LINGO2: variants seen among roughly 807,000 people sequenced by gnomAD.
LINGO2 encodes leucine rich repeat and Ig domain containing 2.
LINGO2 carries 14 observed loss-of-function variants against 30.6 expected under a neutral mutation model. The observed-to-expected ratio is 0.46, with a 90% CI of 0.30 to 0.72. LINGO2 has a LOEUF of 0.72. Among genes scored for constraint, LINGO2 ranks in the 30% least tolerant of loss-of-function variants. LINGO2 has a pLI of 0.07. For synonymous variants in LINGO2, 317 were observed against 288.5 expected (o/e 1.10, Z -1.00); for missense variants, 729 against 751.7 (o/e 0.97, Z 0.35).
chr9:27,957,313 G>T (rs1587534770), intron 5 of LINGO2, among the ~76,000 whole-genome samples: 1 of 151,824 alleles, frequency 6.6e-6, no homozygotes, highest in African/African-American at 2.4e-5. Flanking sequence ...TTTGTTTGTT[G>T]GGACAGAGTC....
intron 4 of LINGO2, among the ~76,000 whole-genome samples, chr9:28,053,577 C>A (rs1181973381): frequency 6.6e-6 from 1 of 152,054 alleles, no homozygotes; most frequent in Non-Finnish European, 1.5e-5. Context: ...ATAAGGTTTA[C>A]AATCAAAACA....
At chr9:29,172,068 GA>G in the LINGO2 span, among the ~76,000 whole-genome samples, 12 of 151,998 alleles carry the variant, frequency 7.9e-5, no homozygotes, top group South Asian at 2.1e-3. Flanking sequence ...GGTGGCAGTT[GA>G]GAAAGTCTCT....
At chr9:28,946,585 C>T in the LINGO2 span, among the ~76,000 whole-genome samples, 1 of 152,124 alleles carries the variant, frequency 6.6e-6, no homozygotes, top group Admixed American at 6.5e-5. Flanking sequence ...CATGCATTCA[C>T]TAATTTTGTA....
chr9:28,800,712 G>C, the LINGO2 span, among the ~76,000 whole-genome samples: 1 of 151,976 alleles, frequency 6.6e-6, no homozygotes, highest in Non-Finnish European at 1.5e-5. Context: ...CTCTTATTGA[G>C]CCATGACAGT....
chr9:28,860,247 T>A, the LINGO2 span, among the ~76,000 whole-genome samples: 1 of 152,110 alleles, frequency 6.6e-6, no homozygotes, highest in African/African-American at 2.4e-5. Flanking sequence ...TGCCCAGATA[T>A]TTGGTCAGAC....
chr9:28,553,537 G>C (rs1157907004), intron 1 of LINGO2, among the ~76,000 whole-genome samples: 1 of 152,120 alleles, frequency 6.6e-6, no homozygotes, highest in African/African-American at 2.4e-5. Flanking sequence ...GTACCTGGAA[G>C]TGATGGGGAG....
chr9:28,572,157 A>G (rs1397493231), intron 1 of LINGO2, among the ~76,000 whole-genome samples: 3 of 152,014 alleles, frequency 2.0e-5, no homozygotes, highest in Non-Finnish European at 4.4e-5. Flanking sequence ...CTCCAGATTT[A>G]TGATGCTGTG....
At chr9:29,116,868 G>T in the LINGO2 span, among the ~76,000 whole-genome samples, 1 of 152,042 alleles carries the variant, frequency 6.6e-6, no homozygotes, top group African/African-American at 2.4e-5. Context: ...CAATAGGAAG[G>T]ATAATCAATC....
intron 4 of LINGO2, among the ~76,000 whole-genome samples, chr9:28,093,385 T>C (rs1361959005): frequency 6.6e-6 from 1 of 151,996 alleles, no homozygotes; most frequent in Non-Finnish European, 1.5e-5. Flanking sequence ...GGCACTTGGG[T>C]GAGGCAGACC....
At chr9:29,144,506 C>T in the LINGO2 span, among the ~76,000 whole-genome samples, 26 of 152,110 alleles carry the variant, frequency 1.7e-4, no homozygotes, top group African/African-American at 5.8e-4. Flanking sequence ...GTTTAACTCA[C>T]GGATATGCTG....
At chr9:28,081,254 G>A (rs1195839646) in intron 4 of LINGO2, among the ~76,000 whole-genome samples, 1 of 149,864 alleles carries the variant, frequency 6.7e-6, no homozygotes, top group Non-Finnish European at 1.5e-5. Flanking sequence ...CAGGGGGAAG[G>A]AGAGGCAAAA....
rs568430196 is a variant in LINGO2 at position 28,148,233 on chromosome 9, G to T, written c.-86-135828C>A. On this transcript the variant is annotated intron_variant, in intron 4 of 5. Coordinates refer to ENST00000379992, the Ensembl canonical transcript of LINGO2. This position sits in a 1 kb window ranked among gnomAD's most constrained non-coding sequence, Gnocchi z 5.1. Reference sequence around the variant, plus strand: ...CCTATGAGGCTGTGTCTTATCCCTCGGAACATGGGCACCCCACAGAGGGTC... The same window carrying T: ...CCTATGAGGCTGTGTCTTATCCCTCTGAACATGGGCACCCCACAGAGGGTC... 9.4e-5 allele frequency: 68 copies of T among 723,222 alleles called. No homozygotes were observed. In the South Asian group the frequency reaches 9.5e-4, roughly 10 times the overall value. The allele number at this position is 723,222 out of a possible 1,614,324, so 44.8% of individuals were successfully genotyped here. A position where few individuals can be genotyped will look rare whatever the true frequency, so the allele number is the denominator to read the frequency against.
At chr9:29,131,710 T>C in the LINGO2 span, among the ~76,000 whole-genome samples, 1 of 152,168 alleles carries the variant, frequency 6.6e-6, no homozygotes, top group South Asian at 2.1e-4. Flanking sequence ...AATGTAACTA[T>C]GCCCTAGAGA....
At chr9:28,971,571 A>G in the LINGO2 span, among the ~76,000 whole-genome samples, 1 of 152,188 alleles carries the variant, frequency 6.6e-6, no homozygotes, top group Non-Finnish European at 1.5e-5. Context: ...GAAAGGCAGG[A>G]GAAAGAGTGG....
the LINGO2 span, among the ~76,000 whole-genome samples, chr9:29,178,453 C>G: frequency 5.9e-5 from 9 of 152,072 alleles, no homozygotes; most frequent in South Asian, 1.7e-3. Flanking sequence ...CAAGTATGTA[C>G]CAAGCACCAA....
intron 5 of LINGO2, among the ~76,000 whole-genome samples, chr9:28,005,017 G>T (rs1024627726): frequency 6.6e-6 from 1 of 152,180 alleles, no homozygotes; most frequent in East Asian, 1.9e-4. Context: ...CCTTTGTTAC[G>T]CAAGAAGAGG....
chr9:28,613,314 C>T (rs1343993053), intron 1 of LINGO2, among the ~76,000 whole-genome samples: 2 of 151,692 alleles, frequency 1.3e-5, no homozygotes, highest in Non-Finnish European at 2.9e-5. Context: ...AAATACGTAT[C>T]ACAAATGACT....
the LINGO2 span, among the ~76,000 whole-genome samples, chr9:29,054,807 G>T: frequency 6.6e-6 from 1 of 152,026 alleles, no homozygotes; most frequent in Non-Finnish European, 1.5e-5. Flanking sequence ...ATAGAAAACA[G>T]ACTAAAACAA....
intron 4 of LINGO2, among the ~76,000 whole-genome samples, chr9:28,266,425 GCT>G (rs1248854979): frequency 1.3e-5 from 2 of 151,962 alleles, no homozygotes; most frequent in Non-Finnish European, 2.9e-5. Flanking sequence ...CTTAAATCCT[GCT>G]CTCTGTTTCC....
Sources: allele counts gnomAD v4.1 joint callset (sites outside exome capture counted in the v4.1 genomes callset), GRCh38; gene constraint gnomAD v4.1.1; non-coding constraint Gnocchi (gnomAD v3.1); transcripts MANE v1.5; gene names NCBI Gene and HGNC (gene_info 2026-07-23, HGNC 2026-07-21).